ZFP91: variants seen among roughly 807,000 people sequenced by gnomAD.
The protein encoded by ZFP91 is E3 ubiquitin-protein ligase ZFP91.
Under a neutral mutation model 63.5 loss-of-function variants are expected in ZFP91, and 7 were observed. That is an observed-to-expected ratio of 0.11 (90% confidence interval 0.06 to 0.21). The LOEUF is 0.21. Ranked by LOEUF, ZFP91 falls within the 10% of genes least tolerant of loss-of-function variation. ZFP91 has a pLI of 1.00. For missense variants in ZFP91, 628 were observed against 736.6 expected (o/e 0.85, Z 1.71); for synonymous variants, 330 against 272.1 (o/e 1.21, Z -2.10).
Position 58,617,217 on chromosome 11 carries a change from T to C in ZFP91, c.1224T>C (p.Thr408=). ...KPLQCEICGF[T]CRQKASLNWH... ...TTAGATGTGAGATCTGTGGATTTACTTGTCGACAAAAGGCATCTCTTAATT... is the reference window on the plus strand; with the variant it reads ...TTAGATGTGAGATCTGTGGATTTACCTGTCGACAAAAGGCATCTCTTAATT... The change falls in exon 11 of 11, where the codon ACT becomes ACC. Residue 408 remains threonine (T), a synonymous_variant. Coordinates refer to ENST00000316059, the MANE Select transcript of ZFP91 (RefSeq NM_053023.5). The surrounding 1 kb of genome is among the most constrained non-coding windows in gnomAD (Gnocchi z 4.2). 3.1e-6 allele frequency: 5 copies of C among 1,597,638 alleles called. No individual in the cohort carries two copies. Among genetic ancestry groups the C allele is most frequent in the Admixed American group, 1.7e-5 (1 of 57,320 alleles).
intron 2 of ZFP91, among the ~76,000 whole-genome samples, chr11:58,594,405 A>G (rs1855361765): frequency 6.6e-6 from 1 of 152,230 alleles, no homozygotes. Context: ...GTTAATAAGC[A>G]CTAGTTTTAA....
rs1328252324 is a variant in ZFP91, at chr11:58,614,341, C to T, written c.1100C>T (p.Thr367Ile). The T allele has an allele frequency of 6.2e-7, 1 of 1,604,296 alleles. No homozygotes were observed. Residue 367 changes from threonine (T) to isoleucine (I), a missense_variant and splice_region_variant, in exon 9 of 11, where the codon ACA (threonine) becomes ATA (isoleucine). By Grantham distance (89) the Thr-to-Ile change is moderately conservative (BLOSUM62 -1). Around this residue, in one of 3 missense-constraint regions of ZFP91, gnomAD observed 76 missense variants for 230.9 expected, o/e 0.33. Transcript: ENST00000316059. ...KQLLRHAKHH[T>I]DQRDYICEYC... ...CTTCTGCGACATGCCAAACATCATACAGGTACTTTTAAAATGTGTTTATCA... is the reference window on the plus strand; with the variant it reads ...CTTCTGCGACATGCCAAACATCATATAGGTACTTTTAAAATGTGTTTATCA...
At chr11:58,612,448 C>A in intron 7 of ZFP91, 120 bp downstream of exon 7, 1 of 928,264 alleles carries the variant, frequency 1.1e-6, no homozygotes, top group African/African-American at 1.7e-5. Flanking sequence ...ACAAAAGCAA[C>A]TTCACTAATG....
intron 2 of ZFP91, among the ~76,000 whole-genome samples, chr11:58,600,143 G>A (rs569898798): frequency 6.6e-6 from 1 of 152,120 alleles, no homozygotes; most frequent in East Asian, 1.9e-4. Context: ...AATTCTGTTT[G>A]TTTTCAAGAT....
intron 2 of ZFP91, among the ~76,000 whole-genome samples, chr11:58,597,645 C>G (rs997610611): frequency 1.3e-5 from 2 of 152,114 alleles, no homozygotes; most frequent in African/African-American, 4.8e-5. Context: ...ATTCTGTACC[C>G]ACATAAAAGC....
rs1855789531 is a variant in ZFP91, at chr11:58,618,437, C to G, written c.*731C>G. On this transcript the variant is annotated 3_prime_UTR_variant, in exon 11 of 11. Coordinates refer to ENST00000316059, the MANE Select transcript of ZFP91 (RefSeq NM_053023.5). ...TAGGGAGGGGGCTGCCCTCTACAGTCTCTTTGACTGTAAGACAGGGCTCTG... is the reference window on the plus strand; with the variant it reads ...TAGGGAGGGGGCTGCCCTCTACAGTGTCTTTGACTGTAAGACAGGGCTCTG... 2.9e-6 allele frequency: 1 copy of G among 342,386 alleles called. No individual in the cohort carries two copies. The highest frequency in any genetic ancestry group is 5.7e-6 in the Non-Finnish European group (1 of 176,070). The allele number at this position is 342,386 out of a possible 1,614,324, so 21.2% of individuals were successfully genotyped here.
intron 5 of ZFP91, 131 bp from the exon 6 acceptor site, chr11:58,611,473 G>A (rs1054906446): frequency 8.3e-7 from 1 of 1,200,664 alleles, no homozygotes; most frequent in African/African-American, 1.5e-5. Context: ...TGATTGGTAG[G>A]AAATCACATT....
At chr11:58,610,516 T>C (rs1321294982) in intron 4 of ZFP91, among the ~76,000 whole-genome samples, 182 bp downstream of exon 4, 1 of 152,242 alleles carries the variant, frequency 6.6e-6, no homozygotes, top group East Asian at 1.9e-4. Flanking sequence ...TGTAATCTAC[T>C]TACATAGCTT....
intron 2 of ZFP91, among the ~76,000 whole-genome samples, chr11:58,590,698 AT>A (rs776542157): frequency 1.3e-5 from 2 of 152,216 alleles, no homozygotes; most frequent in South Asian, 2.1e-4. Context: ...GGTCTTTCAA[AT>A]TTTTTATCCC....
chr11:58,611,547 C>A, intron 5 of ZFP91, 57 bp from the exon 6 acceptor site: 1 of 1,569,332 alleles, frequency 6.4e-7, no homozygotes, highest in South Asian at 1.2e-5. Context: ...AATTTGTTGT[C>A]ATAGTCTTCC....
chr11:58,617,767 C>CA lies in ZFP91; in HGVS notation c.*71dup, dbSNP rs571879543. ...CTTTGTATTTAAAAGTTAAAAAGGA[C>CA]AAAAAAAAAATCTAAAGCATTTAAA... On this transcript the variant is annotated 3_prime_UTR_variant, in exon 11 of 11. Coordinates refer to ENST00000316059, the MANE Select transcript of ZFP91 (RefSeq NM_053023.5). The surrounding 1 kb of genome is among the most constrained non-coding windows in gnomAD (Gnocchi z 4.2). 1,468 of 1,315,880 alleles carry CA rather than the reference C, an allele frequency of 1.1e-3. No homozygotes were observed. Among genetic ancestry groups the CA allele is most frequent in the South Asian group, 4.1e-3 (211 of 51,744 alleles). 81.5% of individuals were successfully genotyped at this position (1,315,880 alleles called of 1,614,324 possible).
intron 2 of ZFP91, among the ~76,000 whole-genome samples, chr11:58,588,960 T>A (rs1430257332): frequency 6.6e-6 from 1 of 152,156 alleles, no homozygotes; most frequent in African/African-American, 2.4e-5. Flanking sequence ...GTTTTCCCAG[T>A]CAAAATAAAA....
At position 58,591,755 on chromosome 11, in the gene ZFP91, G is replaced by A. The variant is rs540123166; in HGVS notation, c.370+6871G>A. 4.2e-4 allele frequency among the ~76,000 whole-genome samples: 64 copies of A among 152,242 alleles called. 1 individual carries two copies. The South Asian group carries it at 9.3e-3, about 22-fold the overall frequency. On this transcript the variant is annotated intron_variant, in intron 2 of 10. Coordinates refer to ENST00000316059, the MANE Select transcript of ZFP91 (RefSeq NM_053023.5). Reference sequence around the variant, plus strand: ...TATGTAGGAAGCATTATGCAGGCAAGACAAATTTGTATCTAGAGTCTATTC... The same window carrying A: ...TATGTAGGAAGCATTATGCAGGCAAAACAAATTTGTATCTAGAGTCTATTC...
chr11:58,611,072 C>G lies in ZFP91; in HGVS notation c.722+18C>G. On this transcript the variant is annotated intron_variant, in intron 5 of 10. Coordinates refer to ENST00000316059, the MANE Select transcript of ZFP91 (RefSeq NM_053023.5). Reference sequence around the variant, plus strand: ...TTAGAAAGGCATGTCTCAGATTTTACTGCAGACATGTTAATGAAATATAAG... The same window carrying G: ...TTAGAAAGGCATGTCTCAGATTTTAGTGCAGACATGTTAATGAAATATAAG... The G allele has an allele frequency of 6.2e-7, 1 of 1,602,760 alleles. No homozygotes were observed. The highest frequency in any genetic ancestry group is 8.5e-7 in the Non-Finnish European group (1 of 1,170,862).
At chr11:58,612,619 T>C in intron 7 of ZFP91, 143 bp from the exon 8 acceptor site, 1 of 665,406 alleles carries the variant, frequency 1.5e-6, no homozygotes. Flanking sequence ...ACAAATTCTG[T>C]GTAATCTGTA....
In ZFP91 at chr11:58,579,309, C is replaced by T. The variant is rs1192215643; in HGVS notation, c.28C>T (p.Pro10Ser). Residue 10 changes from proline to serine, a missense_variant, in exon 1 of 11, where the codon CCC becomes TCC. By Grantham distance (74) the Pro-to-Ser change is moderately conservative (BLOSUM62 -1). Around this residue, in one of 3 missense-constraint regions of ZFP91, gnomAD observed 437 missense variants for 380.3 expected, o/e 1.15. Transcript: ENST00000316059. ...GCCGGGGGAGACGGAAGAGCCGAGA[C>T]CCCCGGAGCAGCAGGACCAGGAAGG... Reference protein sequence around the residue: MPGETEEPRPPEQQDQEGGE... With the variant: MPGETEEPRSPEQQDQEGGE... 15 of 1,487,416 alleles carry T rather than the reference C, an allele frequency of 1.0e-5. No homozygotes were observed. The highest frequency in any genetic ancestry group is 2.3e-4 in the Middle Eastern group (1 of 4,378). 92.1% of individuals were successfully genotyped at this position (1,487,416 alleles called of 1,614,324 possible).
rs1018855447 is a variant in ZFP91 at position 58,579,593 on chromosome 11, A to G, written c.312A>G (p.Pro104=). ...QQPQAAKSPS[P]VQGKKSPRLL... is the part of the protein sequence containing the mutation. ...CCCAGGCCGCGAAGTCCCCGTCTCCAGTTCAGGGCAAGAAGAGTCCGCGAC... is the reference window on the plus strand; with the variant it reads ...CCCAGGCCGCGAAGTCCCCGTCTCCGGTTCAGGGCAAGAAGAGTCCGCGAC... Residue 104 remains proline (P), a synonymous_variant, in exon 1 of 11, where the codon CCA becomes CCG. Transcript: ENST00000316059. 4.4e-6 allele frequency: 7 copies of G among 1,578,986 alleles called. No homozygotes were observed. Among genetic ancestry groups the G allele is most frequent in the African/African-American group, 2.8e-5 (2 of 70,946 alleles).
In ZFP91 at chr11:58,614,229, C is replaced by A; in HGVS notation, c.988C>A (p.His330Asn). Residue 330 changes from histidine to asparagine, a missense_variant and splice_region_variant, in exon 9 of 11, where the codon CAC (histidine) becomes AAC (asparagine). This residue lies in a region of ZFP91 where 76 missense variants were observed against 230.9 expected (regional missense o/e 0.33). Coordinates refer to ENST00000316059, the MANE Select transcript of ZFP91 (RefSeq NM_053023.5). ...TVLAHPRYLQ[H>N]HIKYQHLLKK... ...GCCCCTTTCACTTTCTCTGTTTTAG[C>A]ACCACATTAAATACCAGCATTTGCT... 1.3e-6 allele frequency: 2 copies of A among 1,584,194 alleles called. No individual in the cohort carries two copies. The highest frequency in any genetic ancestry group is 8.6e-7 in the Non-Finnish European group (1 of 1,163,448).
Position 58,579,268 on chromosome 11 carries a change from A to AC in ZFP91, c.-13dup. On this transcript the variant is annotated 5_prime_UTR_variant, in exon 1 of 11. Coordinates refer to ENST00000316059, the MANE Select transcript of ZFP91 (RefSeq NM_053023.5). Reference sequence around the variant, plus strand: ...GCCGCCTAGGACTAGGGGGTGGGGGACGGACAAGCCCCGATGCCGGGGGAG... The same window carrying AC: ...GCCGCCTAGGACTAGGGGGTGGGGGACCGGACAAGCCCCGATGCCGGGGGAG... 1 of 1,418,658 alleles carries AC rather than the reference A, an allele frequency of 7.0e-7. No homozygotes were observed. Among genetic ancestry groups the AC allele is most frequent in the African/African-American group, 1.5e-5 (1 of 65,306 alleles). The allele number at this position is 1,418,658 out of a possible 1,614,324, so 87.9% of individuals were successfully genotyped here.
Sources: allele counts gnomAD v4.1 joint callset (sites outside exome capture counted in the v4.1 genomes callset), GRCh38; gene constraint gnomAD v4.1.1; regional missense constraint gnomAD v4.1.1; non-coding constraint Gnocchi (gnomAD v3.1); transcripts MANE v1.5; gene names NCBI Gene and HGNC (gene_info 2026-07-23, HGNC 2026-07-21).